Variants in PCDH11X observed in about 807,000 individuals in gnomAD.
PCDH11X encodes the protein protocadherin-11 X-linked.
A neutral mutation model predicts 53.3 loss-of-function variants in PCDH11X; 18 were observed. The ratio of observed to expected loss-of-function variants is 0.34; its 90% CI spans 0.23 to 0.50. The LOEUF is 0.50. PCDH11X is among the 20% of genes least tolerant of loss of function. The probability of loss-of-function intolerance (pLI) is 0.98; values close to 1 mark genes in which losing one functional copy is unlikely to be tolerated. For missense variants in PCDH11X, 570 were observed against 1,032.4 expected (o/e 0.55, Z 6.14); for synonymous variants, 279 against 393.3 (o/e 0.71, Z 3.44).
chrX:92,258,962 A>G (rs1478616718), intron 7 of PCDH11X, among the ~76,000 whole-genome samples: 1 of 111,059 alleles, frequency 9.0e-6, no homozygotes, highest in African/African-American at 3.3e-5. Flanking sequence ...CACAGGCACA[A>G]TGCTGCCAGG....
Position 92,220,760 on chromosome X carries a change from T to C in PCDH11X, c.3114+19305T>C, listed in dbSNP as rs766933200. ...AAGACACATGCACAGGTATGTTTATTGCGGCACTATTCACAATAGCAAAGA... is the reference window on the plus strand; with the variant it reads ...AAGACACATGCACAGGTATGTTTATCGCGGCACTATTCACAATAGCAAAGA... On this transcript the variant is annotated intron_variant, in intron 7 of 10. Coordinates refer to ENST00000682573, the MANE Select transcript of PCDH11X (RefSeq NM_032968.5). 7.9e-3 allele frequency among the ~76,000 whole-genome samples: 852 copies of C among 107,369 alleles called. 7 individuals carry two copies. Among genetic ancestry groups the C allele is most frequent in the African/African-American group, 0.027 (797 of 29,458 alleles). The allele number at this position is 107,369 out of a possible 115,157, so 93.2% of individuals were successfully genotyped here.
chrX:92,334,305 A>T (rs1216877233), intron 8 of PCDH11X, among the ~76,000 whole-genome samples: 2 of 111,560 alleles, frequency 1.8e-5, no homozygotes, highest in Non-Finnish European at 3.8e-5. Flanking sequence ...AAACATAAAG[A>T]TGTAGTATTA....
intron 10 of PCDH11X, among the ~76,000 whole-genome samples, chrX:92,534,664 G>T (rs1415362922): frequency 9.0e-6 from 1 of 111,136 alleles, no homozygotes; most frequent in Non-Finnish European, 1.9e-5. Flanking sequence ...GAAAGGTCAG[G>T]TTACCCACAA....
At chrX:91,908,980 G>A (rs2147798258) in intron 6 of PCDH11X, among the ~76,000 whole-genome samples, 1 of 110,449 alleles carries the variant, frequency 9.1e-6, no homozygotes, top group Non-Finnish European at 1.9e-5. Flanking sequence ...TCCCATTACT[G>A]GGCATATACC....
chrX:91,883,532 G>A (rs1940021560), intron 6 of PCDH11X: 3 of 749,460 alleles, frequency 4.0e-6, no homozygotes, highest in African/African-American at 2.3e-5. Context: ...TGGGCCGGGC[G>A]CGGTGGCTCA....
At chrX:92,008,603 C>T (rs1015145007) in intron 6 of PCDH11X, among the ~76,000 whole-genome samples, 1 of 106,804 alleles carries the variant, frequency 9.4e-6, no homozygotes, top group Admixed American at 1.0e-4. Flanking sequence ...TATGAGTGCT[C>T]GCCTGATTTT....
chrX:92,445,724 G>A (rs1462735637), intron 9 of PCDH11X, among the ~76,000 whole-genome samples: 1 of 109,044 alleles, frequency 9.2e-6, no homozygotes, highest in African/African-American at 3.3e-5. Context: ...AGATATAGGA[G>A]AGAATGTTGA....
chrX:92,586,594 T>A (rs1418859303), intron 10 of PCDH11X, among the ~76,000 whole-genome samples: 1 of 105,841 alleles, frequency 9.4e-6, no homozygotes, highest in Non-Finnish European at 1.9e-5. Context: ...TGCCTACCTA[T>A]GTAGGTTCCA....
At chrX:92,138,528 TA>T (rs1216208057) in intron 6 of PCDH11X, among the ~76,000 whole-genome samples, 4 of 111,243 alleles carry the variant, frequency 3.6e-5, no homozygotes, top group Non-Finnish European at 7.5e-5. Flanking sequence ...AATTAATGGA[TA>T]TTTTTCTCAA....
chrX:91,781,602 C>CCCAGCAGGAAATT (rs1353789822), intron 1 of PCDH11X, among the ~76,000 whole-genome samples: 21 of 112,246 alleles, frequency 1.9e-4, no homozygotes, highest in African/African-American at 6.1e-4. Context: ...CTCTCGCAAT[C>CCCAGCAGGAAATT]CCAGCAGGAA....
intron 10 of PCDH11X, among the ~76,000 whole-genome samples, chrX:92,518,467 A>G (rs1443640390): frequency 8.9e-6 from 1 of 111,858 alleles, no homozygotes; most frequent in Non-Finnish European, 1.9e-5. Flanking sequence ...TCTGCTATGG[A>G]TCTACTTAAC....
chrX:92,238,247 T>A (rs547487015), intron 7 of PCDH11X, among the ~76,000 whole-genome samples: 26 of 111,894 alleles, frequency 2.3e-4, no homozygotes, highest in African/African-American at 8.4e-4. Flanking sequence ...TGAAGGTCAG[T>A]AATTATAATG....
chrX:92,041,955 C>T (rs181638578), intron 6 of PCDH11X, among the ~76,000 whole-genome samples: 13 of 111,918 alleles, frequency 1.2e-4, no homozygotes, highest in East Asian at 5.6e-4. Context: ...GGTGACAGAG[C>T]GAGACTCCGT....
At chrX:92,189,630 G>A (rs752798409) in intron 6 of PCDH11X, among the ~76,000 whole-genome samples, 2 of 111,664 alleles carry the variant, frequency 1.8e-5, no homozygotes, top group East Asian at 2.8e-4. Flanking sequence ...AATTTTTGAG[G>A]AATTGCCACA....
intron 5 of PCDH11X, among the ~76,000 whole-genome samples, chrX:91,868,314 C>T (rs1939099617): frequency 8.9e-6 from 1 of 111,932 alleles, no homozygotes; most frequent in African/African-American, 3.2e-5. Flanking sequence ...CCAAACTTCT[C>T]TCACCAAAAT....
intron 8 of PCDH11X, among the ~76,000 whole-genome samples, chrX:92,296,537 T>C (rs1281858565): frequency 9.0e-6 from 1 of 111,437 alleles, no homozygotes; most frequent in Non-Finnish European, 1.9e-5. Context: ...CTTAGGACAA[T>C]GGCGTCCAGC....
chrX:92,523,305 A>T (rs2074397188), intron 10 of PCDH11X, among the ~76,000 whole-genome samples: 1 of 111,574 alleles, frequency 9.0e-6, no homozygotes, highest in African/African-American at 3.3e-5. Flanking sequence ...ATATACAGGG[A>T]ATAGTTACTA....
intron 6 of PCDH11X, among the ~76,000 whole-genome samples, chrX:91,982,057 A>G (rs1212988008): frequency 9.0e-6 from 1 of 111,110 alleles, no homozygotes; most frequent in East Asian, 2.8e-4. Context: ...GCAAGGGCTA[A>G]AAAACGCAAC....
At chrX:92,248,577 T>C (rs1389365131) in intron 7 of PCDH11X, among the ~76,000 whole-genome samples, 1 of 111,920 alleles carries the variant, frequency 8.9e-6, no homozygotes, top group Non-Finnish European at 1.9e-5. Flanking sequence ...TTTCTTTTTG[T>C]TGGGAACATT....
Sources: gnomAD v4.1 joint callset for allele counts (sites outside exome capture counted in the v4.1 genomes callset) on GRCh38, gnomAD v4.1.1 for gene constraint, MANE v1.5 for transcripts, NCBI Gene and HGNC (gene_info 2026-07-23, HGNC 2026-07-21) for gene names.